The following EYS variants were observed in gnomAD, a reference collection of about 807,000 sequenced individuals.
The protein encoded by EYS is protein eyes shut homolog.
EYS carries 250 observed loss-of-function variants against 282.1 expected under a neutral mutation model. The observed-to-expected ratio is 0.89, with a 90% CI of 0.80 to 0.98. The LOEUF (loss-of-function observed/expected upper bound fraction) is 0.98, where lower values mean the gene tolerates loss of function less well. Ranked by LOEUF, EYS falls within the 50% of genes least tolerant of loss-of-function variation. The probability of loss-of-function intolerance (pLI) is 0.00; values close to 1 mark genes in which losing one functional copy is unlikely to be tolerated. For missense variants in EYS, 4,016 were observed against 3,709.0 expected (o/e 1.08, Z -2.15); for synonymous variants, 1,355 against 1,282.9 (o/e 1.06, Z -1.20).
intron 12 of EYS, among the ~76,000 whole-genome samples, chr6:65,062,880 C>A (rs1380007839): frequency 6.6e-6 from 1 of 151,960 alleles, no homozygotes; most frequent in Non-Finnish European, 1.5e-5. Context: ...CATAGACATG[C>A]ATGTATATGG....
chr6:64,504,004 T>C (rs1253631321), intron 26 of EYS, among the ~76,000 whole-genome samples: 1 of 152,176 alleles, frequency 6.6e-6, no homozygotes, highest in Non-Finnish European at 1.5e-5. Flanking sequence ...AATGATTGTA[T>C]GTTTCCTGAG....
chr6:64,587,540 T>C (rs1766271461), intron 26 of EYS, among the ~76,000 whole-genome samples: 1 of 152,066 alleles, frequency 6.6e-6, no homozygotes, highest in South Asian at 2.1e-4. Flanking sequence ...TCCAGTAATA[T>C]GTTTTAGTGA....
chr6:65,662,863 G>C (rs982343279), intron 1 of EYS, among the ~76,000 whole-genome samples: 4 of 152,130 alleles, frequency 2.6e-5, no homozygotes, highest in Non-Finnish European at 2.9e-5. Context: ...TGACGATTTA[G>C]ATAAACTTAA....
intron 35 of EYS, among the ~76,000 whole-genome samples, chr6:63,912,052 A>G (rs1360704544): frequency 2.0e-5 from 3 of 152,224 alleles, no homozygotes; most frequent in Admixed American, 2.0e-4. Context: ...TTTTGCTGAT[A>G]TAGTTCATGC....
intron 22 of EYS, among the ~76,000 whole-genome samples, chr6:64,681,470 ATG>A (rs1253752957): frequency 1.2e-4 from 19 of 152,198 alleles, no homozygotes; most frequent in African/African-American, 3.9e-4. Context: ...CAGCTGTTTG[ATG>A]TAGCTCAAAA....
intron 2 of EYS, among the ~76,000 whole-genome samples, chr6:65,588,921 G>A (rs1319211853): frequency 2.6e-5 from 4 of 151,794 alleles, no homozygotes; most frequent in Admixed American, 2.6e-4. Context: ...GATCTTAGAG[G>A]CAAATCAATG....
chr6:65,253,300 CTTA>C (rs925028013), intron 12 of EYS, among the ~76,000 whole-genome samples: 1 of 151,892 alleles, frequency 6.6e-6, no homozygotes, highest in African/African-American at 2.4e-5. Context: ...AAATAATTTT[CTTA>C]TTCTTCTTCA....
chr6:65,346,649 AG>A (rs1191441076), intron 9 of EYS, among the ~76,000 whole-genome samples: 1 of 151,780 alleles, frequency 6.6e-6, no homozygotes, highest in East Asian at 1.9e-4. Flanking sequence ...TTGGGGCTAC[AG>A]AAAAAAACAG....
chr6:64,648,892 C>T (rs1768452385), intron 22 of EYS, among the ~76,000 whole-genome samples: 1 of 151,926 alleles, frequency 6.6e-6, no homozygotes, highest in African/African-American at 2.4e-5. Context: ...GATAATTTAC[C>T]AAGGTTATAT....
chr6:64,854,439 G>GT, intron 19 of EYS, among the ~76,000 whole-genome samples: 1 of 152,148 alleles, frequency 6.6e-6, no homozygotes, highest in South Asian at 2.1e-4. Context: ...CATGTTCTTT[G>GT]TAGGGACATG....
intron 12 of EYS, among the ~76,000 whole-genome samples, chr6:65,181,049 A>T (rs1412280284): frequency 6.6e-6 from 1 of 152,094 alleles, no homozygotes. Flanking sequence ...CTCATACAAA[A>T]ATTAATTCAA....
intron 33 of EYS, among the ~76,000 whole-genome samples, chr6:64,030,151 G>C (rs532374071): frequency 6.6e-6 from 1 of 152,172 alleles, no homozygotes; most frequent in Admixed American, 6.5e-5. Context: ...AAGTCAAAGA[G>C]GGAGTCAGAA....
At chr6:65,697,844 T>C (rs17780774) in intron 1 of EYS, among the ~76,000 whole-genome samples, 4,964 of 152,212 alleles carry the variant, frequency 0.033, 112 homozygotes, top group Non-Finnish European at 0.048. Context: ...ATTGTATCCC[T>C]AGTCACAGTT....
At chr6:65,497,120 A>T (rs1766283669) in intron 2 of EYS, among the ~76,000 whole-genome samples, 1 of 152,098 alleles carries the variant, frequency 6.6e-6, no homozygotes, top group Non-Finnish European at 1.5e-5. Flanking sequence ...ATAGATTTAA[A>T]TTATCAATCT....
chr6:65,472,057 A>AT lies in EYS; in HGVS notation c.862+18536dup, dbSNP rs1192341028. Among the ~76,000 whole-genome samples the AT allele has an allele frequency of 3.3e-5, 5 of 152,022 alleles. No individual in the cohort carries two copies. The East Asian group carries it at 7.7e-4, about 23-fold the overall frequency. On this transcript the variant is annotated intron_variant, in intron 5 of 42. Coordinates refer to ENST00000503581, the MANE Select transcript of EYS (RefSeq NM_001142800.2). ...TACTCAGTGCCTGAATAAACAGTACATTTTTTTATGGACACAAACTAACAT... is the reference window on the plus strand; with the variant it reads ...TACTCAGTGCCTGAATAAACAGTACATTTTTTTTATGGACACAAACTAACAT...
chr6:64,291,897 T>C (rs765467616), intron 30 of EYS, among the ~76,000 whole-genome samples: 9 of 152,242 alleles, frequency 5.9e-5, no homozygotes, highest in Non-Finnish European at 1.2e-4. Context: ...TGAAGATGGC[T>C]GATTATAACA....
intron 26 of EYS, among the ~76,000 whole-genome samples, chr6:64,479,131 T>C (rs1179039231): frequency 6.6e-6 from 1 of 151,994 alleles, no homozygotes; most frequent in Admixed American, 6.6e-5. Flanking sequence ...TAACGTGGTA[T>C]AGTAAAAAGT....
At chr6:64,162,918 G>T (rs1378208513) in intron 31 of EYS, among the ~76,000 whole-genome samples, 1 of 152,104 alleles carries the variant, frequency 6.6e-6, no homozygotes, top group Non-Finnish European at 1.5e-5. Context: ...ATGAATTCAT[G>T]TATTAATTCA....
chr6:65,629,031 C>G (rs1310025397), intron 2 of EYS, among the ~76,000 whole-genome samples: 2 of 152,172 alleles, frequency 1.3e-5, no homozygotes, highest in African/African-American at 4.8e-5. Context: ...AAAGGTCAAT[C>G]AAAACTCAGA....
Sources: allele counts gnomAD v4.1 joint callset (sites outside exome capture counted in the v4.1 genomes callset), GRCh38; gene constraint gnomAD v4.1.1; transcripts MANE v1.5; gene names NCBI Gene and HGNC (gene_info 2026-07-23, HGNC 2026-07-21).